GRIP1: variants seen among roughly 807,000 people sequenced by gnomAD.
GRIP1 encodes the protein glutamate receptor-interacting protein 1.
GRIP1 carries 45 observed loss-of-function variants against 129.9 expected under a neutral mutation model. The ratio of observed to expected loss-of-function variants is 0.35; its 90% CI spans 0.27 to 0.44. GRIP1 has a LOEUF of 0.44. Ranked by LOEUF, GRIP1 falls within the 20% of genes least tolerant of loss-of-function variation. The probability of loss-of-function intolerance (pLI) is 1.00; values close to 1 mark genes in which losing one functional copy is unlikely to be tolerated. For synonymous variants in GRIP1, 530 were observed against 520.8 expected (o/e 1.02, Z -0.24); for missense variants, 1,196 against 1,396.8 (o/e 0.86, Z 2.29).
intron 23 of GRIP1, among the ~76,000 whole-genome samples, chr12:66,357,853 T>A (rs1218369549): frequency 2.6e-5 from 4 of 152,184 alleles, no homozygotes; most frequent in African/African-American, 7.2e-5. Flanking sequence ...AGGTGGGGGA[T>A]GGGATCAATA....
chr12:66,672,751 C>T (rs952357705), intron 1 of GRIP1, among the ~76,000 whole-genome samples: 19 of 151,842 alleles, frequency 1.3e-4, no homozygotes, highest in African/African-American at 2.4e-4. Flanking sequence ...ATATATTTTC[C>T]GCCAGAATAA....
At chr12:67,029,637 C>T (rs1423158104) in intron 1 of GRIP1, among the ~76,000 whole-genome samples, 2 of 142,374 alleles carry the variant, frequency 1.4e-5, no homozygotes, top group African/African-American at 2.6e-5. Context: ...GAAGTTGATA[C>T]ATTTTTATTA....
chr12:66,813,651 A>G (rs1355953902), intron 1 of GRIP1, among the ~76,000 whole-genome samples: 1 of 152,186 alleles, frequency 6.6e-6, no homozygotes, highest in Non-Finnish European at 1.5e-5. Flanking sequence ...TGGGGGCAGT[A>G]CCTTTGATAC....
At chr12:66,919,371 C>A (rs2041177185) in intron 1 of GRIP1, among the ~76,000 whole-genome samples, 1 of 152,052 alleles carries the variant, frequency 6.6e-6, no homozygotes, top group Non-Finnish European at 1.5e-5. Context: ...ACAAGGTACC[C>A]CAAGGAACTG....
intron 1 of GRIP1, among the ~76,000 whole-genome samples, chr12:67,036,181 A>G (rs961627913): frequency 6.6e-6 from 1 of 152,166 alleles, no homozygotes; most frequent in Non-Finnish European, 1.5e-5. Context: ...GCTTGAACTC[A>G]TCGACAAAAA....
At position 67,022,173 on chromosome 12, in the gene GRIP1, A is replaced by G. The variant is rs141027513; in HGVS notation, c.58+46877T>C. Reference sequence around the variant, plus strand: ...TACTCTATAGCTATCTGTTCCATATACTGATTTCCTCTCCTTTGGATATAT... The same window carrying G: ...TACTCTATAGCTATCTGTTCCATATGCTGATTTCCTCTCCTTTGGATATAT... On this transcript the variant is annotated intron_variant, in intron 1 of 1. Coordinates refer to the GRIP1 transcript ENST00000643019. Among the ~76,000 whole-genome samples the G allele has an allele frequency of 2.5e-3, 379 of 152,218 alleles. 2 individuals carry two copies. Among genetic ancestry groups the G allele is most frequent in the African/African-American group, 8.4e-3 (351 of 41,542 alleles).
At chr12:66,730,265 C>T (rs920378437) in intron 1 of GRIP1, among the ~76,000 whole-genome samples, 1 of 152,178 alleles carries the variant, frequency 6.6e-6, no homozygotes, top group Non-Finnish European at 1.5e-5. Flanking sequence ...TCATAAACAG[C>T]TCCACCACTC....
At position 66,914,369 on chromosome 12, in the gene GRIP1, G is replaced by A. The variant is rs538808387; in HGVS notation, c.58+154681C>T. 6.6e-5 allele frequency among the ~76,000 whole-genome samples: 10 copies of A among 151,994 alleles called. No individual in the cohort carries two copies. The South Asian group carries it at 1.9e-3, about 28-fold the overall frequency. On this transcript the variant is annotated intron_variant, in intron 1 of 1. Transcript: ENST00000643019. ...ATCTTTTATTCATTCAGGTTGTCTAGAAAAAAACATGTAATGGATATGAAT... is the reference window on the plus strand; with the variant it reads ...ATCTTTTATTCATTCAGGTTGTCTAAAAAAAAACATGTAATGGATATGAAT...
At chr12:66,897,589 T>C (rs1317275318) in intron 1 of GRIP1, among the ~76,000 whole-genome samples, 1 of 152,162 alleles carries the variant, frequency 6.6e-6, no homozygotes, top group African/African-American at 2.4e-5. Context: ...GTCATGATGG[T>C]GGCGGATGAG....
chr12:66,586,439 T>C (rs146977369), intron 2 of GRIP1, among the ~76,000 whole-genome samples: 43 of 152,306 alleles, frequency 2.8e-4, no homozygotes, highest in African/African-American at 1.0e-3. Flanking sequence ...TGAGGCTTAG[T>C]ATGCCCCAGT....
At chr12:66,606,979 C>T (rs181975327) in intron 1 of GRIP1, among the ~76,000 whole-genome samples, 4 of 151,250 alleles carry the variant, frequency 2.6e-5, no homozygotes, top group Admixed American at 6.6e-5. Flanking sequence ...AAATTTGATT[C>T]ACATCCTTAC....
chr12:66,715,307 T>C (rs1245079829), intron 1 of GRIP1, among the ~76,000 whole-genome samples: 1 of 151,996 alleles, frequency 6.6e-6, no homozygotes, highest in African/African-American at 2.4e-5. Context: ...CTCATGGTCC[T>C]GCTCTCCCCA....
chr12:66,575,278 C>A (rs1565876717), intron 2 of GRIP1, among the ~76,000 whole-genome samples: 1 of 152,154 alleles, frequency 6.6e-6, no homozygotes, highest in South Asian at 2.1e-4. Context: ...TTATGAGTAG[C>A]AAGCACAGTT....
At chr12:66,588,091 G>A (rs1298595132) in intron 2 of GRIP1, among the ~76,000 whole-genome samples, 1 of 151,964 alleles carries the variant, frequency 6.6e-6, no homozygotes, top group Non-Finnish European at 1.5e-5. Flanking sequence ...CATTTTCTCG[G>A]TGTTATTTTA....
chr12:66,389,602 A>G (rs2056499650), intron 19 of GRIP1, among the ~76,000 whole-genome samples: 1 of 152,156 alleles, frequency 6.6e-6, no homozygotes, highest in South Asian at 2.1e-4. Flanking sequence ...TCACGGGTAA[A>G]GAAAAAAAAA....
intron 1 of GRIP1, among the ~76,000 whole-genome samples, chr12:66,835,397 ATGTTTATATCATTGCCAAT>A (rs1307332624): frequency 2.0e-5 from 3 of 152,238 alleles, no homozygotes; most frequent in Non-Finnish European, 4.4e-5. Flanking sequence ...TCATTGCCAA[ATGTTTATATCATTGCCAAT>A]TGCCAGAACT....
chr12:66,394,086 C>T, intron 17 of GRIP1, 122 bp downstream of exon 17: 1 of 999,708 alleles, frequency 1.0e-6, no homozygotes, highest in Non-Finnish European at 1.6e-6. Context: ...AAGATCAATC[C>T]TTTGTGCAGA....
At chr12:66,823,320 T>C (rs1380160282) in intron 1 of GRIP1, among the ~76,000 whole-genome samples, 1 of 152,204 alleles carries the variant, frequency 6.6e-6, no homozygotes, top group East Asian at 1.9e-4. Flanking sequence ...TTGGTACATG[T>C]TGGTAATGGT....
chr12:66,492,084 C>G (rs1227214694), intron 7 of GRIP1, among the ~76,000 whole-genome samples: 1 of 151,676 alleles, frequency 6.6e-6, no homozygotes, highest in Non-Finnish European at 1.5e-5. Flanking sequence ...TGGGAAGGAA[C>G]AGTCAGTCAG....
Sources: gnomAD v4.1 joint callset for allele counts (sites outside exome capture counted in the v4.1 genomes callset) on GRCh38, gnomAD v4.1.1 for gene constraint, MANE v1.5 for transcripts, NCBI Gene and HGNC (gene_info 2026-07-23, HGNC 2026-07-21) for gene names.